Variants in RBM27 observed in about 807,000 individuals in gnomAD.
RBM27 encodes RNA binding motif protein 27.
A neutral mutation model predicts 135.3 loss-of-function variants in RBM27; 22 were observed. That is an observed-to-expected ratio of 0.16 (90% CI 0.12 to 0.23). The LOEUF (loss-of-function observed/expected upper bound fraction) is 0.23, where lower values mean the gene tolerates loss of function less well. RBM27 is among the 10% of genes least tolerant of loss of function. RBM27 has a pLI of 1.00. For missense variants in RBM27, 1,009 were observed against 1,281.0 expected, an observed-to-expected ratio of 0.79 and a Z score of 3.24; for synonymous variants, 481 against 442.4, an observed-to-expected ratio of 1.09 and a Z score of -1.10.
chr5:146,283,746 C>T (rs1422902365), intron 19 of RBM27, among the ~76,000 whole-genome samples: 4 of 152,100 alleles, frequency 2.6e-5, no homozygotes, highest in African/African-American at 4.8e-5. Context: ...ACATTCTCAC[C>T]ATGCTATGCT....
intron 14 of RBM27, among the ~76,000 whole-genome samples, chr5:146,266,126 A>G (rs1758605050): frequency 6.6e-6 from 1 of 152,200 alleles, no homozygotes. Context: ...GTATCAAACC[A>G]GAAACTAAGG....
chr5:146,279,235 G>A lies in RBM27; in HGVS notation c.2989-5387G>A, dbSNP rs113250342. ...GAGCCCCAGGTGGGTGGATCACGAG[G>A]TCAGGAGATTGAGACCATCCTGGCT... is the stretch of plus-strand genomic sequence containing the variant. On this transcript the variant is annotated intron_variant, in intron 19 of 20. Transcript: ENST00000265271. Among the ~76,000 whole-genome samples, 1,197 of 150,190 alleles carry A rather than the reference G, an allele frequency of 8.0e-3. 18 individuals are homozygous for A. Among genetic ancestry groups the A allele is most frequent in the African/African-American group, 0.027 (1,124 of 40,980 alleles).
chr5:146,264,320 A>G (rs967273418), intron 14 of RBM27, among the ~76,000 whole-genome samples: 4 of 151,850 alleles, frequency 2.6e-5, no homozygotes, highest in African/African-American at 9.7e-5. Context: ...AGTAGCTGAG[A>G]TTACAGGCAT....
intron 1 of RBM27, among the ~76,000 whole-genome samples, chr5:146,216,258 A>AACTTCTGGACTCAAGCGATTCCCCAC (rs1388140237): frequency 9.2e-5 from 14 of 152,056 alleles, no homozygotes; most frequent in African/African-American, 3.1e-4. Flanking sequence ...CATGGTCTAA[A>AACTTCTGGACTCAAGCGATTCCCCAC]ACTTCTGGAC....
rs1759636589 is a variant in RBM27 at position 146,287,634 on chromosome 5, A to G, written c.*1604A>G. ...TTAAAACCATCAGGATTCTAGATTT[A>G]CTTAGCTATAAGAAGTTAAATCCCA... On this transcript the variant is annotated 3_prime_UTR_variant, in exon 21 of 21. Coordinates refer to ENST00000265271, the MANE Select transcript of RBM27 (RefSeq NM_018989.2). The G allele has an allele frequency of 6.6e-6, 1 of 152,178 alleles. No homozygotes were observed. 9.4% of individuals were successfully genotyped at this position (152,178 alleles called of 1,614,324 possible). A position where few individuals can be genotyped will look rare whatever the true frequency, so the allele number is the denominator to read the frequency against.
At chr5:146,224,892 A>C (rs928811522) in intron 3 of RBM27, among the ~76,000 whole-genome samples, 1 of 151,958 alleles carries the variant, frequency 6.6e-6, no homozygotes, top group Admixed American at 6.6e-5. Flanking sequence ...TTAAATATCC[A>C]TATGATTTTT....
At chr5:146,226,131 G>T (rs143282661) in intron 3 of RBM27, among the ~76,000 whole-genome samples, 5,031 of 151,462 alleles carry the variant, frequency 0.033, 250 homozygotes, top group African/African-American at 0.11. Context: ...GCCTCCCAAA[G>T]TGCTGGGATT....
intron 4 of RBM27, among the ~76,000 whole-genome samples, chr5:146,229,338 C>T (rs1261176845): frequency 6.6e-6 from 1 of 152,016 alleles, no homozygotes; most frequent in Non-Finnish European, 1.5e-5. Flanking sequence ...TAAAATCATC[C>T]AAGTCATTTT....
rs570471940 is a variant in RBM27 at position 146,239,746 on chromosome 5, G to C, written c.1279+2314G>C. Among the ~76,000 whole-genome samples the C allele has an allele frequency of 2.5e-3, 377 of 149,686 alleles. 4 individuals are homozygous for C. The highest frequency in any genetic ancestry group is 8.9e-3 in the African/African-American group (364 of 40,692). On this transcript the variant is annotated intron_variant, in intron 8 of 20. Transcript: ENST00000265271. ...CTGCTTTGGCCTTGCAAAGCGCTGG[G>C]ATTACAGGTGTGAGCCACCACGCCT...
intron 10 of RBM27, 79 bp downstream of exon 10, chr5:146,255,171 C>T: frequency 7.6e-7 from 1 of 1,322,896 alleles, no homozygotes; most frequent in East Asian, 2.5e-5. Flanking sequence ...CATTTCTGGC[C>T]TAGCTTGAGG....
Position 146,233,631 on chromosome 5 carries a change from CCCAGGT to C in RBM27, c.1038_1043del (p.Pro357_Gly358del), listed in dbSNP as rs758431769. 4.4e-6 allele frequency: 7 copies of C among 1,593,654 alleles called. No individual in the cohort carries two copies. Among genetic ancestry groups the C allele is most frequent in the Non-Finnish European group, 5.1e-6 (6 of 1,168,516 alleles). ...TGCCAGGTCCAGGCCCAGGCCCGGG[CCCAGGT>C]CCAGGCCCAGGCCCGGGCCCAGGTC... On this transcript the variant is annotated inframe_deletion, in exon 7 of 21. Coordinates refer to ENST00000265271, the MANE Select transcript of RBM27 (RefSeq NM_018989.2).
rs1463539142 is a variant in RBM27 at position 146,286,255 on chromosome 5, A to C, written c.*225A>C. On this transcript the variant is annotated 3_prime_UTR_variant, in exon 21 of 21. Transcript: ENST00000265271. ...TTACACAGTTGTGAAGATCCACAGC[A>C]ATGACATGGATAATCTCTAGAGCCT... 2.6e-6 allele frequency: 1 copy of C among 377,814 alleles called. No homozygotes were observed. 23.4% of individuals were successfully genotyped at this position (377,814 alleles called of 1,614,324 possible).
Position 146,247,077 on chromosome 5 carries a change from T to C in RBM27, c.1280-4634T>C, listed in dbSNP as rs528676668. ...TGAGGGCTCCCCATGTTGCCCAGGC[T>C]GGTCTCAAACTCCTGGGCTCAAGCA... On this transcript the variant is annotated intron_variant, in intron 8 of 20. Transcript: ENST00000265271. 2.5e-3 allele frequency among the ~76,000 whole-genome samples: 379 copies of C among 151,914 alleles called. 4 individuals carry two copies. The highest frequency in any genetic ancestry group is 8.8e-3 in the African/African-American group (366 of 41,422).
chr5:146,277,699 T>G (rs981015937), intron 19 of RBM27, among the ~76,000 whole-genome samples: 3 of 150,934 alleles, frequency 2.0e-5, no homozygotes, highest in Non-Finnish European at 4.4e-5. Context: ...ATTTTTTTTT[T>G]TTTTTTGTAT....
At chr5:146,256,103 A>G (rs533417472) in intron 10 of RBM27, among the ~76,000 whole-genome samples, 144 of 150,876 alleles carry the variant, frequency 9.5e-4, no homozygotes, top group African/African-American at 3.5e-3. Context: ...TTATCCACCT[A>G]CCTTGGCCTC....
rs1759630413 is a variant in RBM27 at position 146,287,466 on chromosome 5, C to T, written c.*1436C>T. The T allele has an allele frequency of 6.6e-6, 1 of 152,090 alleles. No homozygotes were observed. Among genetic ancestry groups the T allele is most frequent in the Non-Finnish European group, 1.5e-5 (1 of 68,004 alleles). The allele number at this position is 152,090 out of a possible 1,614,324, so 9.4% of individuals were successfully genotyped here. A position where few individuals can be genotyped will look rare whatever the true frequency, so the allele number is the denominator to read the frequency against. On this transcript the variant is annotated 3_prime_UTR_variant, in exon 21 of 21. Transcript: ENST00000265271. ...AGGCTGTCACTTTTTCAAGGATATA[C>T]ACATCTGTGTTTTTATATATGTGTG...
At chr5:146,256,522 TG>T (rs1278711895) in intron 10 of RBM27, among the ~76,000 whole-genome samples, 2 of 151,660 alleles carry the variant, frequency 1.3e-5, no homozygotes, top group African/African-American at 4.8e-5. Context: ...TGCTAATTTT[TG>T]TATTTTTAGT....
chr5:146,233,211 C>T (rs1186817728), intron 6 of RBM27, among the ~76,000 whole-genome samples: 1 of 152,068 alleles, frequency 6.6e-6, no homozygotes, highest in Non-Finnish European at 1.5e-5. Context: ...GTAACCTGTT[C>T]TTGACTCTTT....
At chr5:146,264,091 G>A (rs1468011371) in intron 14 of RBM27, among the ~76,000 whole-genome samples, 1 of 150,416 alleles carries the variant, frequency 6.6e-6, no homozygotes, top group African/African-American at 2.5e-5. Flanking sequence ...GGGTGACAGA[G>A]CAAGACCCTG....
Sources: allele counts gnomAD v4.1 joint callset (sites outside exome capture counted in the v4.1 genomes callset), GRCh38; gene constraint gnomAD v4.1.1; transcripts MANE v1.5; gene names NCBI Gene and HGNC (gene_info 2026-07-23, HGNC 2026-07-21).